Variants in EYS observed in about 807,000 individuals in gnomAD.
EYS encodes the protein EGF-like photoreceptor maintenance factor.
Under a neutral mutation model 282.1 loss-of-function variants are expected in EYS, and 250 were observed. That is an observed-to-expected ratio of 0.89 (90% CI 0.80 to 0.98). The LOEUF (loss-of-function observed/expected upper bound fraction) is 0.98, where lower values mean the gene tolerates loss of function less well. Among genes scored for constraint, EYS ranks in the 50% least tolerant of loss-of-function variants. The probability of loss-of-function intolerance (pLI) is 0.00; values close to 1 mark genes in which losing one functional copy is unlikely to be tolerated. For missense variants in EYS, 4,016 were observed against 3,709.0 expected (o/e 1.08, Z -2.15); for synonymous variants, 1,355 against 1,282.9 (o/e 1.06, Z -1.20).
intron 12 of EYS, among the ~76,000 whole-genome samples, chr6:65,270,797 C>T (rs995935206): frequency 6.6e-6 from 1 of 152,030 alleles, no homozygotes; most frequent in Non-Finnish European, 1.5e-5. Context: ...ACACAGATCA[C>T]TTCTGCTCCA....
chr6:64,266,378 TA>T (rs1026373270), intron 30 of EYS, among the ~76,000 whole-genome samples: 3 of 151,172 alleles, frequency 2.0e-5, no homozygotes, highest in East Asian at 3.9e-4. Flanking sequence ...GTGCTTAGCT[TA>T]AAAAAAAATC....
intron 34 of EYS, 28 bp downstream of exon 34, chr6:63,999,047 G>A: frequency 7.3e-7 from 1 of 1,368,960 alleles, no homozygotes; most frequent in Non-Finnish European, 1.0e-6. Context: ...CACAATTAGT[G>A]TTTGGAACTG....
At chr6:64,200,250 T>C (rs190689464) in intron 31 of EYS, among the ~76,000 whole-genome samples, 25 of 152,126 alleles carry the variant, frequency 1.6e-4, no homozygotes, top group Middle Eastern at 3.4e-3. Context: ...TATATTCTAA[T>C]GGTGGACACG....
chr6:65,556,157 A>G (rs1768791570), intron 2 of EYS, among the ~76,000 whole-genome samples: 1 of 152,012 alleles, frequency 6.6e-6, no homozygotes, highest in African/African-American at 2.4e-5. Context: ...TTTTCACATT[A>G]TTGGTACCAA....
chr6:64,870,017 T>G (rs9360096), intron 19 of EYS, among the ~76,000 whole-genome samples: 1 of 151,462 alleles, frequency 6.6e-6, no homozygotes, highest in South Asian at 2.1e-4. Flanking sequence ...TCTAAGATGG[T>G]CTTTTAAGTT....
chr6:64,259,101 T>A (rs1047653710), intron 30 of EYS, among the ~76,000 whole-genome samples: 10 of 152,086 alleles, frequency 6.6e-5, no homozygotes, highest in Non-Finnish European at 1.2e-4. Context: ...TATGGATTCC[T>A]CTTTATTCAA....
At chr6:65,061,309 A>G (rs1361452325) in intron 12 of EYS, among the ~76,000 whole-genome samples, 2 of 152,014 alleles carry the variant, frequency 1.3e-5, no homozygotes, top group Admixed American at 6.6e-5. Context: ...AATAGCATTC[A>G]TGTATCCTTT....
At chr6:64,622,670 A>G (rs1472802383) in intron 23 of EYS, among the ~76,000 whole-genome samples, 1 of 152,194 alleles carries the variant, frequency 6.6e-6, no homozygotes, top group Non-Finnish European at 1.5e-5. Flanking sequence ...TTTGATAATT[A>G]GCAACATAAT....
intron 2 of EYS, among the ~76,000 whole-genome samples, chr6:65,603,224 A>C (rs1765670097): frequency 6.6e-6 from 1 of 151,900 alleles, no homozygotes; most frequent in Non-Finnish European, 1.5e-5. Context: ...AAACACATGC[A>C]TATAACTTAG....
chr6:65,632,017 T>C (rs887208773), intron 2 of EYS, among the ~76,000 whole-genome samples: 5 of 152,180 alleles, frequency 3.3e-5, no homozygotes, highest in Non-Finnish European at 7.3e-5. Context: ...AGAAAGATTA[T>C]GGTAAACAAT....
At chr6:64,688,325 A>G (rs1306188835) in intron 22 of EYS, among the ~76,000 whole-genome samples, 1 of 151,638 alleles carries the variant, frequency 6.6e-6, no homozygotes, top group Non-Finnish European at 1.5e-5. Flanking sequence ...TTAGGGTGTC[A>G]ATTTTAGATC....
chr6:64,833,297 C>G (rs1157624209), intron 19 of EYS, among the ~76,000 whole-genome samples: 1 of 151,770 alleles, frequency 6.6e-6, no homozygotes, highest in Non-Finnish European at 1.5e-5. Context: ...TTTTAGGTAA[C>G]CTGTGTGTAG....
intron 31 of EYS, among the ~76,000 whole-genome samples, chr6:64,157,389 C>T (rs1774963254): frequency 6.6e-6 from 1 of 152,032 alleles, no homozygotes; most frequent in Non-Finnish European, 1.5e-5. Context: ...AAAGAAAAAC[C>T]CATTTTCTGA....
chr6:63,947,142 G>A (rs1409210466), intron 35 of EYS, among the ~76,000 whole-genome samples: 1 of 152,036 alleles, frequency 6.6e-6, no homozygotes, highest in African/African-American at 2.4e-5. Flanking sequence ...AGTATATTGA[G>A]TTTGAACAAA....
At chr6:65,536,669 G>A (rs1376711666) in intron 2 of EYS, among the ~76,000 whole-genome samples, 1 of 152,080 alleles carries the variant, frequency 6.6e-6, no homozygotes. Context: ...GTGTAAAACA[G>A]AAGAAAGTAG....
intron 2 of EYS, among the ~76,000 whole-genome samples, chr6:65,556,581 C>T (rs1208653731): frequency 6.6e-6 from 1 of 152,082 alleles, no homozygotes; most frequent in East Asian, 1.9e-4. Flanking sequence ...CCAGTATGTG[C>T]TTCTCTAAAG....
chr6:64,238,979 A>G (rs1276029302), intron 30 of EYS, among the ~76,000 whole-genome samples: 2 of 151,906 alleles, frequency 1.3e-5, no homozygotes, highest in African/African-American at 4.8e-5. Flanking sequence ...TTCAACTCCC[A>G]CTTATGAGTG....
chr6:65,491,708 A>G (rs1229235131), intron 4 of EYS: 4 of 295,576 alleles, frequency 1.4e-5, no homozygotes, highest in Non-Finnish European at 2.7e-5. Flanking sequence ...CACCCTAATT[A>G]AAACTTAGTG....
At chr6:64,696,781 G>A (rs934391929) in intron 22 of EYS, among the ~76,000 whole-genome samples, 13 of 152,096 alleles carry the variant, frequency 8.5e-5, no homozygotes, top group East Asian at 1.9e-4. Context: ...TGTGTTGGGC[G>A]ACAAGCAAAT....
Sources: gnomAD v4.1 joint callset for allele counts (sites outside exome capture counted in the v4.1 genomes callset) on GRCh38, gnomAD v4.1.1 for gene constraint, MANE v1.5 for transcripts, NCBI Gene and HGNC (gene_info 2026-07-23, HGNC 2026-07-21) for gene names.